The following CNTN5 variants were observed in gnomAD, a reference collection of about 807,000 sequenced individuals.
CNTN5 encodes contactin 5, also known as contactin-5.
CNTN5 carries 77 observed loss-of-function variants against 129.1 expected under a neutral mutation model. The ratio of observed to expected loss-of-function variants is 0.60; its 90% CI spans 0.50 to 0.72. The LOEUF (loss-of-function observed/expected upper bound fraction) is 0.72, where lower values mean the gene tolerates loss of function less well. CNTN5 is among the 30% of genes least tolerant of loss of function. The pLI, the probability that CNTN5 is intolerant of heterozygous loss-of-function variation, is 0.00. For missense variants in CNTN5, 1,478 were observed against 1,328.8 expected, an observed-to-expected ratio of 1.11 and a Z score of -1.75; for synonymous variants, 509 against 465.6, an observed-to-expected ratio of 1.09 and a Z score of -1.20.
At chr11:100,340,683 A>G (rs750097342) in intron 22 of CNTN5, 34 bp downstream of exon 22, 4 of 1,548,086 alleles carry the variant, frequency 2.6e-6, no homozygotes, top group African/African-American at 1.4e-5. Flanking sequence ...TGTTTCAGAC[A>G]AAGGGGAAAC....
At chr11:99,564,081 TA>T (rs963114495) in intron 3 of CNTN5, among the ~76,000 whole-genome samples, 2 of 152,148 alleles carry the variant, frequency 1.3e-5, no homozygotes, top group Non-Finnish European at 2.9e-5. Context: ...CTGTTTTTTT[TA>T]AAATTTACTT....
At position 99,797,765 on chromosome 11, in the gene CNTN5, G is replaced by A. The variant is rs528227223; in HGVS notation, c.56-21779G>A. ...CTGGTTTATTTTGCTGTGAAGAATC[G>A]CTTTAGTTTAATTAGGTCCCACTTG... is the stretch of plus-strand genomic sequence containing the variant. On this transcript the variant is annotated intron_variant, in intron 3 of 24. Coordinates refer to ENST00000524871, the MANE Select transcript of CNTN5 (RefSeq NM_014361.4). Among the ~76,000 whole-genome samples the A allele has an allele frequency of 2.9e-4, 44 of 152,036 alleles. No homozygotes were observed. In the South Asian group the frequency reaches 4.6e-3, roughly 16 times the overall value.
chr11:100,045,012 A>C (rs1025490476), intron 9 of CNTN5, among the ~76,000 whole-genome samples: 2 of 152,086 alleles, frequency 1.3e-5, no homozygotes, highest in African/African-American at 4.8e-5. Context: ...CAGGCCATCA[A>C]AATGCAGTTT....
chr11:99,559,755 G>A (rs1328917925), intron 3 of CNTN5, among the ~76,000 whole-genome samples: 1 of 152,030 alleles, frequency 6.6e-6, no homozygotes. Context: ...TACCATATAA[G>A]CGTTTACCAG....
At chr11:99,979,601 A>G (rs143439762) in intron 8 of CNTN5, among the ~76,000 whole-genome samples, 1 of 152,260 alleles carries the variant, frequency 6.6e-6, no homozygotes, top group African/African-American at 2.4e-5. Context: ...TCTTTACCAT[A>G]AGATCCTTGC....
At chr11:99,206,719 G>A (rs1406766223) in intron 1 of CNTN5, among the ~76,000 whole-genome samples, 1 of 152,026 alleles carries the variant, frequency 6.6e-6, no homozygotes, top group Non-Finnish European at 1.5e-5. Flanking sequence ...GACTTGTTGA[G>A]TCTCTTTCAC....
At chr11:99,900,237 CT>C (rs1358648160) in intron 6 of CNTN5, among the ~76,000 whole-genome samples, 3 of 148,292 alleles carry the variant, frequency 2.0e-5, no homozygotes, top group African/African-American at 7.4e-5. Context: ...ATATTTGTTA[CT>C]TTTTTCTGCT....
At chr11:99,063,920 G>A (rs1656727034) in intron 1 of CNTN5, among the ~76,000 whole-genome samples, 1 of 152,006 alleles carries the variant, frequency 6.6e-6, no homozygotes, top group African/African-American at 2.4e-5. Context: ...AAATAAGTGT[G>A]CAGTTTTTAC....
chr11:99,548,130 G>A (rs938610478), intron 2 of CNTN5, among the ~76,000 whole-genome samples: 3 of 151,622 alleles, frequency 2.0e-5, no homozygotes, highest in African/African-American at 7.3e-5. Context: ...TTTTCCTTTT[G>A]TCTGATAAAT....
At chr11:99,630,908 C>T (rs182608343) in intron 3 of CNTN5, among the ~76,000 whole-genome samples, 25 of 152,208 alleles carry the variant, frequency 1.6e-4, no homozygotes, top group East Asian at 1.4e-3. Context: ...TGAAAAGCAC[C>T]GTGGACTGTT....
chr11:99,321,981 G>A (rs1032823692), intron 1 of CNTN5, among the ~76,000 whole-genome samples: 12 of 152,116 alleles, frequency 7.9e-5, no homozygotes, highest in Admixed American at 2.6e-4. Flanking sequence ...GCCATTCTGT[G>A]CACTGGTTTG....
At chr11:99,488,388 G>A (rs186949449) in intron 2 of CNTN5, among the ~76,000 whole-genome samples, 35 of 152,114 alleles carry the variant, frequency 2.3e-4, no homozygotes, top group African/African-American at 8.4e-4. Context: ...GGTCAGGCTG[G>A]TCTCGAACTC....
chr11:99,378,690 G>T (rs140894671), intron 2 of CNTN5, among the ~76,000 whole-genome samples: 1 of 152,012 alleles, frequency 6.6e-6, no homozygotes, highest in Non-Finnish European at 1.5e-5. Flanking sequence ...ATTGGTGAAT[G>T]TACTCTGTAG....
chr11:99,469,034 A>G (rs1945064660), intron 2 of CNTN5, among the ~76,000 whole-genome samples: 1 of 152,172 alleles, frequency 6.6e-6, no homozygotes, highest in Non-Finnish European at 1.5e-5. Flanking sequence ...CTATTTACAT[A>G]AGATTTAGAA....
chr11:99,445,219 C>T (rs1421043115), intron 2 of CNTN5, among the ~76,000 whole-genome samples: 1 of 150,762 alleles, frequency 6.6e-6, no homozygotes, highest in Non-Finnish European at 1.5e-5. Flanking sequence ...TGTTTGCATA[C>T]ATATATGTAT....
chr11:100,116,082 G>A (rs2138140572), intron 13 of CNTN5, among the ~76,000 whole-genome samples: 1 of 152,014 alleles, frequency 6.6e-6, no homozygotes, highest in Admixed American at 6.6e-5. Flanking sequence ...CAGTCCCTCA[G>A]CCAGAATAGC....
chr11:99,035,078 T>C (rs1863640700), intron 1 of CNTN5, among the ~76,000 whole-genome samples: 1 of 150,596 alleles, frequency 6.6e-6, no homozygotes, highest in African/African-American at 2.4e-5. Context: ...AGTTGAGCGG[T>C]TTTGAGTGAG....
chr11:100,084,252 G>A (rs1944466889), intron 13 of CNTN5, among the ~76,000 whole-genome samples: 1 of 152,008 alleles, frequency 6.6e-6, no homozygotes, highest in Non-Finnish European at 1.5e-5. Context: ...ACAACTTTCA[G>A]CTTAATTTGT....
chr11:100,211,161 A>G (rs1949022026), intron 15 of CNTN5, among the ~76,000 whole-genome samples: 1 of 152,144 alleles, frequency 6.6e-6, no homozygotes, highest in Admixed American at 6.5e-5. Context: ...TACATTTACT[A>G]TGCTATTACA....
Sources: gnomAD v4.1 joint callset for allele counts (sites outside exome capture counted in the v4.1 genomes callset) on GRCh38, gnomAD v4.1.1 for gene constraint, MANE v1.5 for transcripts, NCBI Gene and HGNC (gene_info 2026-07-23, HGNC 2026-07-21) for gene names.